The following TSHZ2 variants were observed in gnomAD, a reference collection of about 807,000 sequenced individuals.
TSHZ2 encodes the protein teashirt homolog 2.
Under a neutral mutation model 74.4 loss-of-function variants are expected in TSHZ2, and 21 were observed. The ratio of observed to expected loss-of-function variants is 0.28; its 90% confidence interval spans 0.20 to 0.41. TSHZ2 has a LOEUF of 0.41. TSHZ2 is among the 10% of genes least tolerant of loss of function. The probability of loss-of-function intolerance (pLI) is 1.00; values close to 1 mark genes in which losing one functional copy is unlikely to be tolerated. For missense variants in TSHZ2, 1,244 were observed against 1,293.5 expected (o/e 0.96, Z 0.59); for synonymous variants, 540 against 515.3 (o/e 1.05, Z -0.65).
intron 2 of TSHZ2, among the ~76,000 whole-genome samples, chr20:53,329,688 G>A (rs565947861): frequency 7.2e-5 from 11 of 152,242 alleles, no homozygotes; most frequent in African/African-American, 2.6e-4. Context: ...GAGGAAGAAT[G>A]CCAAAATCTG....
At chr20:53,459,916 C>G (rs191741149) in intron 2 of TSHZ2, among the ~76,000 whole-genome samples, 1 of 152,182 alleles carries the variant, frequency 6.6e-6, no homozygotes, top group African/African-American at 2.4e-5. Flanking sequence ...GGGTTTCTGC[C>G]GAGAGATCCA....
intron 1 of TSHZ2, among the ~76,000 whole-genome samples, chr20:52,980,022 C>T (rs1981501856): frequency 6.6e-6 from 1 of 152,198 alleles, no homozygotes; most frequent in Admixed American, 6.5e-5. Context: ...CTCCTACCTG[C>T]TACCCCAGCC....
chr20:53,188,460 G>A (rs1256273165), intron 1 of TSHZ2, among the ~76,000 whole-genome samples: 1 of 152,194 alleles, frequency 6.6e-6, no homozygotes, highest in African/African-American at 2.4e-5. Context: ...TCTTCACTTT[G>A]ATTTCTCTAG....
chr20:53,138,700 C>T (rs1227768126), intron 1 of TSHZ2, among the ~76,000 whole-genome samples: 1 of 152,202 alleles, frequency 6.6e-6, no homozygotes, highest in East Asian at 1.9e-4. Context: ...GAGAACCCTT[C>T]TCTAAGTCCC....
intron 1 of TSHZ2, among the ~76,000 whole-genome samples, chr20:53,190,331 C>T (rs1158642998): frequency 6.6e-6 from 1 of 150,990 alleles, no homozygotes; most frequent in Non-Finnish European, 1.5e-5. Context: ...ATAATAATGT[C>T]CCACTTGAAC....
At chr20:52,986,778 A>G (rs1205575566) in intron 1 of TSHZ2, among the ~76,000 whole-genome samples, 1 of 152,252 alleles carries the variant, frequency 6.6e-6, no homozygotes. Context: ...ATTACCATCA[A>G]TGTATGGCAA....
intron 2 of TSHZ2, among the ~76,000 whole-genome samples, chr20:53,471,715 G>A (rs8114092): frequency 0.34 from 51,460 of 151,606 alleles, 8,928 homozygotes; most frequent in Admixed American, 0.36. Flanking sequence ...AGGGACCCAG[G>A]TGAAGGCAGA....
At chr20:53,471,973 T>C (rs1163278625) in intron 2 of TSHZ2, among the ~76,000 whole-genome samples, 5 of 151,884 alleles carry the variant, frequency 3.3e-5, no homozygotes, top group South Asian at 2.1e-4. Flanking sequence ...GCCCAGCTAA[T>C]TTTGTATTTT....
intron 1 of TSHZ2, among the ~76,000 whole-genome samples, chr20:53,072,033 G>A (rs914694791): frequency 6.6e-6 from 1 of 152,150 alleles, no homozygotes; most frequent in East Asian, 1.9e-4. Flanking sequence ...TAAACATCCC[G>A]TAATGCACAG....
At chr20:53,366,696 T>C (rs1450128267) in intron 2 of TSHZ2, among the ~76,000 whole-genome samples, 2 of 152,168 alleles carry the variant, frequency 1.3e-5, no homozygotes, top group African/African-American at 4.8e-5. Context: ...GACAGGGCTA[T>C]TGTTATTATT....
intron 2 of TSHZ2, among the ~76,000 whole-genome samples, chr20:53,331,024 T>C (rs1282948118): frequency 1.3e-5 from 2 of 152,180 alleles, no homozygotes; most frequent in African/African-American, 2.4e-5. Flanking sequence ...CAGCCTGCTG[T>C]GAATTATATT....
rs115764888 is a variant in TSHZ2, at chr20:53,025,231, T to C, written c.40+51898T>C. Among the ~76,000 whole-genome samples, 581 of 152,070 alleles carry C rather than the reference T, an allele frequency of 3.8e-3. 2 individuals carry two copies. The highest frequency in any genetic ancestry group is 0.01 in the Middle Eastern group (3 of 292). ...CTATTTGCTCATAGTATTTAAAAAATTCTGGCTTTTAATTTTTTTAAACAT... is the reference window on the plus strand; with the variant it reads ...CTATTTGCTCATAGTATTTAAAAAACTCTGGCTTTTAATTTTTTTAAACAT... On this transcript the variant is annotated intron_variant, in intron 1 of 2. Transcript: ENST00000371497.
intron 2 of TSHZ2, among the ~76,000 whole-genome samples, chr20:53,406,796 C>A (rs6097399): frequency 2.4e-4 from 37 of 152,120 alleles, no homozygotes; most frequent in African/African-American, 8.2e-4. Context: ...TTGGGAAGAA[C>A]AGGGAAGGAG....
At chr20:53,208,935 A>G (rs1989236774) in intron 1 of TSHZ2, among the ~76,000 whole-genome samples, 1 of 152,176 alleles carries the variant, frequency 6.6e-6, no homozygotes, top group Non-Finnish European at 1.5e-5. Flanking sequence ...TAGGTTTCCA[A>G]GTATGCATTG....
intron 1 of TSHZ2, among the ~76,000 whole-genome samples, chr20:52,976,136 G>A (rs1981329354): frequency 6.6e-6 from 1 of 152,164 alleles, no homozygotes; most frequent in African/African-American, 2.4e-5. Context: ...ATCAATTACA[G>A]AACTTTCTAC....
chr20:53,462,024 G>C (rs781418485), intron 2 of TSHZ2, among the ~76,000 whole-genome samples: 3 of 151,594 alleles, frequency 2.0e-5, no homozygotes, highest in Non-Finnish European at 2.9e-5. Flanking sequence ...TTGAGGTCAG[G>C]AGTTCGAGAC....
chr20:53,001,226 G>GTGTGTGTGTGTGTGTATA (rs1982416998), intron 1 of TSHZ2, among the ~76,000 whole-genome samples: 17 of 146,836 alleles, frequency 1.2e-4, no homozygotes, highest in African/African-American at 4.3e-4. Context: ...GTGTGTGTGT[G>GTGTGTGTGTGTGTGTATA]TGTGTGTGTG....
chr20:52,999,767 A>T (rs1490723584), intron 1 of TSHZ2, among the ~76,000 whole-genome samples: 1 of 152,102 alleles, frequency 6.6e-6, no homozygotes, highest in Non-Finnish European at 1.5e-5. Context: ...GGGGTGGAAA[A>T]CCAGCATGTG....
At chr20:53,372,178 A>G (rs994691162) in intron 2 of TSHZ2, among the ~76,000 whole-genome samples, 43 of 152,274 alleles carry the variant, frequency 2.8e-4, no homozygotes, top group Middle Eastern at 6.8e-3. Context: ...GACTCTCTTC[A>G]GTCAGTACTC....
Sources: allele counts gnomAD v4.1 joint callset (sites outside exome capture counted in the v4.1 genomes callset), GRCh38; gene constraint gnomAD v4.1.1; transcripts MANE v1.5; gene names NCBI Gene and HGNC (gene_info 2026-07-23, HGNC 2026-07-21).